The following UBR2 variants were observed in gnomAD, a reference collection of about 807,000 sequenced individuals.
The protein encoded by UBR2 is E3 ubiquitin-protein ligase UBR2.
UBR2 carries 92 observed loss-of-function variants against 247.9 expected under a neutral mutation model. That is an observed-to-expected ratio of 0.37 (90% CI 0.31 to 0.44). The LOEUF (loss-of-function observed/expected upper bound fraction) is 0.44. Among genes scored for constraint, UBR2 ranks in the 20% least tolerant of loss-of-function variants. UBR2 has a pLI of 1.00. For missense variants in UBR2, 1,613 were observed against 2,112.6 expected (o/e 0.76, Z 4.64); for synonymous variants, 672 against 693.5 (o/e 0.97, Z 0.49).
intron 34 of UBR2, among the ~76,000 whole-genome samples, chr6:42,667,427 C>T (rs535021794): frequency 6.6e-6 from 1 of 151,438 alleles, no homozygotes; most frequent in African/African-American, 2.4e-5. Flanking sequence ...CTAGTGTTTA[C>T]TTCCATATTT....
intron 1 of UBR2, among the ~76,000 whole-genome samples, chr6:42,567,245 CA>C (rs1790833516): frequency 6.6e-6 from 1 of 152,106 alleles, no homozygotes. Flanking sequence ...TAGTATGCCT[CA>C]CAAAGAAAAG....
At chr6:42,666,275 T>G (rs1446922913) in intron 34 of UBR2, 30 bp downstream of exon 34, 1 of 1,554,772 alleles carries the variant, frequency 6.4e-7, no homozygotes, top group African/African-American at 1.4e-5. Flanking sequence ...CCTTTAATAT[T>G]TGACCCATTT....
chr6:42,602,113 T>C (rs1479151908), intron 4 of UBR2, among the ~76,000 whole-genome samples: 1 of 151,868 alleles, frequency 6.6e-6, no homozygotes, highest in African/African-American at 2.4e-5. Flanking sequence ...AGATGATCCA[T>C]CCACCTCGGC....
intron 2 of UBR2, among the ~76,000 whole-genome samples, chr6:42,577,182 A>G (rs1791577125): frequency 6.6e-6 from 1 of 152,204 alleles, no homozygotes; most frequent in African/African-American, 2.4e-5. Context: ...GAAAGATTAA[A>G]TATGGTTATT....
In UBR2 at chr6:42,667,696, T is replaced by C. The variant is rs1294215320; in HGVS notation, c.3881+1451T>C. Among the ~76,000 whole-genome samples the C allele has an allele frequency of 3.0e-5, 4 of 132,574 alleles. No individual in the cohort carries two copies. In the East Asian group the frequency reaches 8.9e-4, roughly 30 times the overall value. 87.0% of individuals were successfully genotyped at this position (132,574 alleles called of 152,430 possible). On this transcript the variant is annotated intron_variant, in intron 34 of 46. Coordinates refer to ENST00000372901, the MANE Select transcript of UBR2 (RefSeq NM_001363705.2). ...ACCTTGTCTTTTTCATGTACTTGTT[T>C]TCTATGTATTTTTTTTTTTTTTTCT...
chr6:42,566,673 C>T (rs1489739127), intron 1 of UBR2, among the ~76,000 whole-genome samples: 1 of 152,218 alleles, frequency 6.6e-6, no homozygotes, highest in Non-Finnish European at 1.5e-5. Context: ...CAGGCGTGAG[C>T]CACCGCACAC....
intron 11 of UBR2, among the ~76,000 whole-genome samples, chr6:42,626,444 A>G (rs1401668918): frequency 6.6e-6 from 1 of 152,202 alleles, no homozygotes; most frequent in Non-Finnish European, 1.5e-5. Context: ...ACAGAAGGGA[A>G]ATGTATGCTC....
At chr6:42,637,862 T>C in intron 15 of UBR2, among the ~76,000 whole-genome samples, 1 of 152,230 alleles carries the variant, frequency 6.6e-6, no homozygotes, top group South Asian at 2.1e-4. Context: ...CTTTCATATT[T>C]CTTGATTCTA....
At chr6:42,661,832 A>G (rs951015327) in intron 30 of UBR2, among the ~76,000 whole-genome samples, 2 of 152,164 alleles carry the variant, frequency 1.3e-5, no homozygotes, top group Non-Finnish European at 2.9e-5. Flanking sequence ...CCCCATGAAG[A>G]GAGTAGCTCT....
rs1055809940 is a variant in UBR2, at chr6:42,564,247, C to T, written c.-73C>T. The T allele has an allele frequency of 1.8e-5, 28 of 1,548,194 alleles. No individual in the cohort carries two copies. In the African/African-American group the frequency reaches 3.7e-4, roughly 20 times the overall value. ...GATTGCCTGGGGCAGGGGTGGCAGT[C>T]GAGGCCGCCGGGGCCGAGGTGAGGC... On this transcript the variant is annotated 5_prime_UTR_variant, in exon 1 of 47. Coordinates refer to ENST00000372901, the MANE Select transcript of UBR2 (RefSeq NM_001363705.2).
chr6:42,585,270 T>G (rs1792180465), intron 2 of UBR2, among the ~76,000 whole-genome samples: 3 of 152,220 alleles, frequency 2.0e-5, no homozygotes, highest in Admixed American at 2.0e-4. Context: ...TCACATTTTT[T>G]TATTACTGGA....
chr6:42,646,770 A>G (rs1031428536), intron 21 of UBR2, among the ~76,000 whole-genome samples: 9 of 151,750 alleles, frequency 5.9e-5, no homozygotes, highest in Non-Finnish European at 1.0e-4. Context: ...TCTTTATGTT[A>G]TCACACTTTT....
intron 7 of UBR2, among the ~76,000 whole-genome samples, chr6:42,611,901 C>A (rs941669117): frequency 7.2e-6 from 1 of 138,918 alleles, no homozygotes; most frequent in Non-Finnish European, 1.5e-5. Context: ...AGCGAGACTC[C>A]ACCTCAAAAA....
chr6:42,598,820 T>G (rs1195368361), intron 4 of UBR2, among the ~76,000 whole-genome samples: 1 of 152,202 alleles, frequency 6.6e-6, no homozygotes, highest in African/African-American at 2.4e-5. Context: ...GTGTGAAAAT[T>G]TATGTGATCT....
rs371343127 is a variant in UBR2 at position 42,659,089 on chromosome 6, C to G, written c.3242+265C>G. On this transcript the variant is annotated intron_variant, in intron 29 of 46. Coordinates refer to ENST00000372901, the MANE Select transcript of UBR2 (RefSeq NM_001363705.2). The surrounding 1 kb of genome is among the most constrained non-coding windows in gnomAD (Gnocchi z 4.3). ...GAATGAGTACACTACACTCAGTTAC[C>G]TAGAGCGTATGACATCTGTGTTGAA... Among the ~76,000 whole-genome samples, 12 of 152,116 alleles carry G rather than the reference C, an allele frequency of 7.9e-5. No individual in the cohort carries two copies. The highest frequency in any genetic ancestry group is 5.8e-4 in the East Asian group (3 of 5,196).
In UBR2 at chr6:42,616,036, C is replaced by G; in HGVS notation, c.1128C>G (p.Ser376Arg). 1 of 1,606,274 alleles carries G rather than the reference C, an allele frequency of 6.2e-7. No individual in the cohort carries two copies. The highest frequency in any genetic ancestry group is 8.5e-7 in the Non-Finnish European group (1 of 1,178,234). The change falls in exon 10 of 47, where the codon AGC becomes AGG. Residue 376 changes from serine (S) to arginine (R), a missense_variant. Ser to Arg is a moderately radical substitution (Grantham distance 110). Transcript: ENST00000372901. ...ARSVYHQLFM[S>R]SLLMDLKYKK... ...GTGTATATCATCAGTTGTTCATGAG[C>G]AGTCTGCTTATGGATTTGAAATACA...
chr6:42,603,109 A>G (rs574384309), intron 4 of UBR2, among the ~76,000 whole-genome samples: 119 of 152,252 alleles, frequency 7.8e-4, no homozygotes, highest in Non-Finnish European at 1.2e-3. Flanking sequence ...TGCTTCTTAC[A>G]ACATCAGTGG....
chr6:42,688,381 C>T lies in UBR2; in HGVS notation c.5019C>T (p.Phe1673=), dbSNP rs754852421. ...TYSCGSGVGI[F]LRVRECQVLF... ...CCTGTGGCTCTGGAGTGGGCATCTT[C>T]CTGAGGTAAGGACCTGCAGGGGCTT... The change falls in exon 45 of 47, where the codon TTC becomes TTT. Residue 1673 remains phenylalanine (F), a synonymous_variant. Coordinates refer to ENST00000372901, the MANE Select transcript of UBR2 (RefSeq NM_001363705.2). The T allele has an allele frequency of 6.2e-7, 1 of 1,612,980 alleles. No individual in the cohort carries two copies. Among genetic ancestry groups the T allele is most frequent in the Non-Finnish European group, 8.5e-7 (1 of 1,179,990 alleles).
chr6:42,575,904 T>G (rs1791473790), intron 2 of UBR2, among the ~76,000 whole-genome samples: 2 of 152,228 alleles, frequency 1.3e-5, no homozygotes, highest in Admixed American at 1.3e-4. Flanking sequence ...TATCAGTATT[T>G]GTGGGGTCTC....
Sources: gnomAD v4.1 joint callset for allele counts (sites outside exome capture counted in the v4.1 genomes callset) on GRCh38, gnomAD v4.1.1 for gene constraint, Gnocchi (gnomAD v3.1) non-coding constraint, MANE v1.5 for transcripts, NCBI Gene and HGNC (gene_info 2026-07-23, HGNC 2026-07-21) for gene names.